GPC6: variants seen among roughly 807,000 people sequenced by gnomAD.
GPC6 encodes glypican 6.
A neutral mutation model predicts 55.2 loss-of-function variants in GPC6; 14 were observed. That is an observed-to-expected ratio of 0.25 (90% CI 0.17 to 0.40). The LOEUF is 0.40. Among genes scored for constraint, GPC6 ranks in the 10% least tolerant of loss-of-function variants. The pLI is 1.00. For synonymous variants in GPC6, 278 were observed against 259.6 expected (o/e 1.07, Z -0.68); for missense variants, 641 against 708.5 (o/e 0.90, Z 1.08).
chr13:94,212,853 T>G (rs1363960841), intron 4 of GPC6, among the ~76,000 whole-genome samples: 1 of 152,148 alleles, frequency 6.6e-6, no homozygotes, highest in African/African-American at 2.4e-5. Context: ...CGTTAACTAT[T>G]AAGTCAATGT....
chr13:93,361,951 TCTTTCA>T (rs1342937179), intron 1 of GPC6, among the ~76,000 whole-genome samples: 5 of 152,204 alleles, frequency 3.3e-5, no homozygotes, highest in African/African-American at 1.2e-4. Context: ...TGGTTGTTGA[TCTTTCA>T]CTTGTGACTG....
At chr13:93,333,528 T>C (rs567740676) in intron 1 of GPC6, among the ~76,000 whole-genome samples, 76 of 143,702 alleles carry the variant, frequency 5.3e-4, no homozygotes, top group African/African-American at 1.7e-3. Flanking sequence ...AAAATGCTAT[T>C]GAATTTTTTT....
At chr13:93,711,896 G>A (rs1394373614) in intron 2 of GPC6, among the ~76,000 whole-genome samples, 1 of 151,740 alleles carries the variant, frequency 6.6e-6, no homozygotes, top group Non-Finnish European at 1.5e-5. Flanking sequence ...CAATTCACAA[G>A]TACATTATAC....
At chr13:94,166,054 C>T (rs1056892815) in intron 4 of GPC6, among the ~76,000 whole-genome samples, 2 of 152,026 alleles carry the variant, frequency 1.3e-5, no homozygotes, top group Admixed American at 6.6e-5. Flanking sequence ...TTCTTGGCTA[C>T]GTTGTACTCT....
At chr13:94,384,464 C>A (rs1486643613) in intron 7 of GPC6, among the ~76,000 whole-genome samples, 2 of 152,180 alleles carry the variant, frequency 1.3e-5, no homozygotes, top group Non-Finnish European at 2.9e-5. Context: ...TAACATAAAG[C>A]CTGGGTTTTG....
At chr13:93,921,451 G>A (rs1215084350) in intron 3 of GPC6, among the ~76,000 whole-genome samples, 1 of 152,114 alleles carries the variant, frequency 6.6e-6, no homozygotes, top group Non-Finnish European at 1.5e-5. Context: ...GATAGTAAAT[G>A]TAGGGGATTT....
intron 1 of GPC6, among the ~76,000 whole-genome samples, chr13:93,308,225 C>T (rs1237886061): frequency 6.6e-6 from 1 of 152,094 alleles, no homozygotes; most frequent in East Asian, 1.9e-4. Flanking sequence ...GCAGAGCTTG[C>T]AGTGAGCCGA....
chr13:93,262,509 A>C (rs1877185467), intron 1 of GPC6, among the ~76,000 whole-genome samples: 1 of 152,206 alleles, frequency 6.6e-6, no homozygotes, highest in African/African-American at 2.4e-5. Context: ...GAAATACTCA[A>C]GTGATAAAAA....
chr13:93,621,473 G>A, intron 2 of GPC6, among the ~76,000 whole-genome samples: 1 of 152,212 alleles, frequency 6.6e-6, no homozygotes, highest in East Asian at 1.9e-4. Context: ...ATAATAACTT[G>A]GATGTGTTCT....
chr13:94,058,059 T>G (rs1286607516), intron 4 of GPC6, among the ~76,000 whole-genome samples: 2 of 152,182 alleles, frequency 1.3e-5, no homozygotes, highest in Admixed American at 1.3e-4. Context: ...GTCCCACTAA[T>G]TCTTAAAGAG....
chr13:93,259,993 G>A (rs1877086179), intron 1 of GPC6, among the ~76,000 whole-genome samples: 1 of 152,074 alleles, frequency 6.6e-6, no homozygotes, highest in African/African-American at 2.4e-5. Flanking sequence ...ATATGGCTTA[G>A]TTCTAGGCAT....
chr13:93,512,221 A>C (rs1358292569), intron 1 of GPC6, among the ~76,000 whole-genome samples: 1 of 152,060 alleles, frequency 6.6e-6, no homozygotes, highest in Admixed American at 6.6e-5. Context: ...TACTGAATAA[A>C]AGTAGTGAAA....
At chr13:94,289,001 G>A (rs1031536176) in intron 5 of GPC6, among the ~76,000 whole-genome samples, 1 of 136,348 alleles carries the variant, frequency 7.3e-6, no homozygotes, top group African/African-American at 2.7e-5. Context: ...TTTGGTGTTT[G>A]TTCCCTACAA....
In GPC6 at chr13:94,027,837, A is replaced by G; in HGVS notation, c.820A>G (p.Met274Val). 2 of 1,614,144 alleles carry G rather than the reference A, an allele frequency of 1.2e-6. No individual in the cohort carries two copies. The highest frequency in any genetic ancestry group is 1.7e-6 in the Non-Finnish European group (2 of 1,180,010). ...RPCNNYCLNV[M>V]KGCLANQADL... ...CTGCAACAACTACTGTCTCAACGTCATGAAGGGCTGCTTGGCAAATCAGGC... is the reference window on the plus strand; with the variant it reads ...CTGCAACAACTACTGTCTCAACGTCGTGAAGGGCTGCTTGGCAAATCAGGC... The change falls in exon 4 of 9, where the codon ATG (methionine) becomes GTG (valine). Residue 274 changes from methionine to valine, a missense_variant. Physicochemically the swap from Met to Val is conservative, Grantham distance 21. Coordinates refer to ENST00000377047, the MANE Select transcript of GPC6 (RefSeq NM_005708.5).
upstream of GPC6, among the ~76,000 whole-genome samples, chr13:93,224,030 G>C (rs1378247278): frequency 2.0e-5 from 3 of 150,936 alleles, no homozygotes; most frequent in African/African-American, 7.3e-5. Flanking sequence ...CTCCTGAGTA[G>C]CTGGGACTGC....
chr13:94,325,230 T>C (rs1466820129), intron 6 of GPC6, among the ~76,000 whole-genome samples: 1 of 152,072 alleles, frequency 6.6e-6, no homozygotes, highest in Non-Finnish European at 1.5e-5. Flanking sequence ...ACCAGGACTA[T>C]TTTTAGTGCC....
At chr13:93,805,933 T>C (rs189375713) in intron 2 of GPC6, among the ~76,000 whole-genome samples, 1 of 152,334 alleles carries the variant, frequency 6.6e-6, no homozygotes, top group East Asian at 1.9e-4. Context: ...TTAGCCCTTC[T>C]TAGTCCTGTG....
intron 3 of GPC6, among the ~76,000 whole-genome samples, chr13:93,935,565 G>C (rs1286482273): frequency 1.3e-5 from 2 of 152,128 alleles, no homozygotes; most frequent in Non-Finnish European, 2.9e-5. Flanking sequence ...GAACATATGA[G>C]TGCAGGAAAT....
chr13:94,122,272 A>C (rs986719218), intron 4 of GPC6, among the ~76,000 whole-genome samples: 14 of 152,154 alleles, frequency 9.2e-5, no homozygotes, highest in African/African-American at 3.4e-4. Flanking sequence ...GGCTTTTCTC[A>C]TTTAATCCTC....
Sources: allele counts gnomAD v4.1 joint callset (sites outside exome capture counted in the v4.1 genomes callset), GRCh38; gene constraint gnomAD v4.1.1; transcripts MANE v1.5; gene names NCBI Gene and HGNC (gene_info 2026-07-23, HGNC 2026-07-21).